RALGAPA2: variants seen among roughly 807,000 people sequenced by gnomAD.
RALGAPA2 encodes the protein ral GTPase-activating protein subunit alpha-2.
Under a neutral mutation model 230.4 loss-of-function variants are expected in RALGAPA2, and 139 were observed. The observed-to-expected ratio is 0.60, with a 90% CI of 0.53 to 0.69. The LOEUF is 0.69. Ranked by LOEUF, RALGAPA2 falls within the 30% of genes least tolerant of loss-of-function variation. The pLI, the probability that RALGAPA2 is intolerant of heterozygous loss-of-function variation, is 0.00. For synonymous variants in RALGAPA2, 847 were observed against 837.8 expected (o/e 1.01, Z -0.19); for missense variants, 2,163 against 2,276.0 (o/e 0.95, Z 1.01).
intron 14 of RALGAPA2, among the ~76,000 whole-genome samples, chr20:20,606,723 A>C (rs1440545385): frequency 6.6e-6 from 1 of 152,096 alleles, no homozygotes; most frequent in African/African-American, 2.4e-5. Context: ...TTTCCTTCAC[A>C]GTCTATTCAC....
chr20:20,475,985 T>C (rs1424741207), intron 36 of RALGAPA2, among the ~76,000 whole-genome samples: 1 of 152,176 alleles, frequency 6.6e-6, no homozygotes, highest in African/African-American at 2.4e-5. Flanking sequence ...AAATGTTGTT[T>C]ATAACTGCAT....
intron 27 of RALGAPA2, among the ~76,000 whole-genome samples, 200 bp downstream of exon 27, chr20:20,531,487 G>C (rs951733731): frequency 6.6e-6 from 1 of 152,226 alleles, no homozygotes; most frequent in African/African-American, 2.4e-5. Context: ...AGGAAGACTC[G>C]AGACACTCGT....
chr20:20,459,416 GT>G (rs964630285), intron 37 of RALGAPA2, among the ~76,000 whole-genome samples: 4 of 147,820 alleles, frequency 2.7e-5, no homozygotes, highest in South Asian at 2.1e-4. Flanking sequence ...TGCTTAAGAG[GT>G]TTTTTTGCTT....
At chr20:20,677,966 C>G (rs575638227) in intron 2 of RALGAPA2, among the ~76,000 whole-genome samples, 13 of 152,004 alleles carry the variant, frequency 8.6e-5, no homozygotes, top group Non-Finnish European at 1.6e-4. Flanking sequence ...AAGGAGGACT[C>G]CAGCTGCTCT....
intron 11 of RALGAPA2, 36 bp from the exon 12 acceptor site, chr20:20,619,450 A>G (rs2066255404): frequency 6.8e-7 from 1 of 1,461,262 alleles, no homozygotes; most frequent in Admixed American, 2.0e-5. Flanking sequence ...AGAGTGGAAG[A>G]TGCACGTGTT....
At chr20:20,565,903 G>A (rs2064404232) in intron 23 of RALGAPA2, among the ~76,000 whole-genome samples, 1 of 152,212 alleles carries the variant, frequency 6.6e-6, no homozygotes, top group Admixed American at 6.5e-5. Context: ...AGAATCCACT[G>A]TTTTGAGATT....
chr20:20,513,008 C>T lies in RALGAPA2; in HGVS notation c.4361G>A (p.Gly1454Asp), dbSNP rs1275495776. 6.2e-7 allele frequency: 1 copy of T among 1,613,598 alleles called. No individual in the cohort carries two copies. Among genetic ancestry groups the T allele is most frequent in the Non-Finnish European group, 8.5e-7 (1 of 1,179,678 alleles). Residue 1454 changes from glycine (G) to aspartate (D), a missense_variant, in exon 32 of 40, where the codon GGC (glycine) becomes GAC (aspartate). Coordinates refer to ENST00000202677, the MANE Select transcript of RALGAPA2 (RefSeq NM_020343.4). ...TEGPVGGSPV[G>D]SLSDVRVIVR... is the part of the protein sequence containing the mutation. ...AATTACTCTCACATCAGAGAGAGAGCCCACTGGTGATCCCCCTACCGGTCC... is the reference window on the plus strand; with the variant it reads ...AATTACTCTCACATCAGAGAGAGAGTCCACTGGTGATCCCCCTACCGGTCC...
chr20:20,416,624 G>A (rs113916440), intron 37 of RALGAPA2, among the ~76,000 whole-genome samples: 8 of 152,176 alleles, frequency 5.3e-5, no homozygotes, highest in Middle Eastern at 3.2e-3. Flanking sequence ...ACCTGAGTGC[G>A]TATGTGTAAG....
chr20:20,450,683 T>C (rs2060967389), intron 37 of RALGAPA2, among the ~76,000 whole-genome samples: 1 of 152,204 alleles, frequency 6.6e-6, no homozygotes, highest in Admixed American at 6.5e-5. Context: ...ACAGTCCCAT[T>C]CTGCAGGGTT....
intron 23 of RALGAPA2, among the ~76,000 whole-genome samples, chr20:20,567,780 C>T (rs1469502755): frequency 6.6e-6 from 1 of 150,776 alleles, no homozygotes; most frequent in African/African-American, 2.4e-5. Context: ...ACTGCTTGAG[C>T]CCAGTGAGCT....
chr20:20,693,110 G>A (rs927282857), intron 1 of RALGAPA2, among the ~76,000 whole-genome samples: 3 of 152,084 alleles, frequency 2.0e-5, no homozygotes, highest in Non-Finnish European at 4.4e-5. Flanking sequence ...ACCAGATGTA[G>A]AACATCAAAT....
rs2063505534 is a variant in RALGAPA2, at chr20:20,536,662, A to G, written c.3408T>C (p.Asp1136=). 18 of 1,612,192 alleles carry G rather than the reference A, an allele frequency of 1.1e-5. No homozygotes were observed. The highest frequency in any genetic ancestry group is 1.5e-5 in the Non-Finnish European group (18 of 1,178,626). The part of the protein sequence containing the change: ...EVNEAITGTE[D]VKHYLINILL... ...AGTCAAATGCGTTATGTACCTTGACATCTTCAGTTCCTGTAATGGCCTCAT... is the reference window on the plus strand; with the variant it reads ...AGTCAAATGCGTTATGTACCTTGACGTCTTCAGTTCCTGTAATGGCCTCAT... The change falls in exon 25 of 40, where the codon GAT becomes GAC. Residue 1136 remains aspartate (D), a synonymous_variant. Transcript: ENST00000202677.
At position 20,390,267 on chromosome 20, in the gene RALGAPA2, C is replaced by T. The variant is rs941539128; in HGVS notation, c.*3022G>A. On this transcript the variant is annotated 3_prime_UTR_variant, in exon 40 of 40. Transcript: ENST00000202677. ...GGTCTGATCAATCAACCTATGTCAC[C>T]AAGTTTGGGTCACCCCACTTCCCCA... 6.6e-6 allele frequency: 1 copy of T among 152,152 alleles called. No homozygotes were observed. The highest frequency in any genetic ancestry group is 2.4e-5 in the African/African-American group (1 of 41,422). 9.4% of individuals were successfully genotyped at this position (152,152 alleles called of 1,614,324 possible). A position where few individuals can be genotyped will look rare whatever the true frequency, so the allele number is the denominator to read the frequency against.
intron 5 of RALGAPA2, among the ~76,000 whole-genome samples, chr20:20,642,227 G>A (rs970113756): frequency 4.0e-5 from 6 of 150,824 alleles, no homozygotes; most frequent in African/African-American, 7.3e-5. Context: ...GGCAGGGGTC[G>A]GGGGATGGAG....
At chr20:20,457,426 TATAAA>T (rs2061148569) in intron 37 of RALGAPA2, among the ~76,000 whole-genome samples, 1 of 152,236 alleles carries the variant, frequency 6.6e-6, no homozygotes, top group Non-Finnish European at 1.5e-5. Flanking sequence ...GAAATTTGAA[TATAAA>T]GATGAGTTGC....
intron 37 of RALGAPA2, among the ~76,000 whole-genome samples, chr20:20,413,101 G>A (rs2060095144): frequency 6.6e-6 from 1 of 152,216 alleles, no homozygotes; most frequent in Non-Finnish European, 1.5e-5. Flanking sequence ...CAATGCAAAA[G>A]TTAAAAGACA....
rs75902884 is a variant in RALGAPA2, at chr20:20,422,056, A to G, written c.5496-9908T>C. 1.5e-3 allele frequency among the ~76,000 whole-genome samples: 224 copies of G among 152,354 alleles called. 3 individuals carry two copies. The East Asian group carries it at 0.019, about 13-fold the overall frequency. On this transcript the variant is annotated intron_variant, in intron 37 of 39. Coordinates refer to ENST00000202677, the MANE Select transcript of RALGAPA2 (RefSeq NM_020343.4). ...CAAAGCCCATATATCGTGGGACTTCATTAATATAAATGTCCAGAATAAGCA... is the reference window on the plus strand; with the variant it reads ...CAAAGCCCATATATCGTGGGACTTCGTTAATATAAATGTCCAGAATAAGCA...
chr20:20,580,565 C>T (rs2064955043), intron 20 of RALGAPA2, among the ~76,000 whole-genome samples: 1 of 152,174 alleles, frequency 6.6e-6, no homozygotes, highest in Non-Finnish European at 1.5e-5. Flanking sequence ...ATAGAAATGA[C>T]ACTAAAAGCG....
Position 20,697,755 on chromosome 20 carries a change from T to G in RALGAPA2, c.106+14620A>C, listed in dbSNP as rs143016083. ...GCAATGCTAGAGACCACCACACCTG[T>G]ACCTGGCAGAGTTGGCCTGAGAATG... On this transcript the variant is annotated intron_variant, in intron 1 of 39. Coordinates refer to ENST00000202677, the MANE Select transcript of RALGAPA2 (RefSeq NM_020343.4). Among the ~76,000 whole-genome samples the G allele has an allele frequency of 2.6e-4, 39 of 152,256 alleles. No individual in the cohort carries two copies. In the East Asian group the frequency reaches 7.5e-3, roughly 29 times the overall value.
Sources: gnomAD v4.1 joint callset for allele counts (sites outside exome capture counted in the v4.1 genomes callset) on GRCh38, gnomAD v4.1.1 for gene constraint, MANE v1.5 for transcripts, NCBI Gene and HGNC (gene_info 2026-07-23, HGNC 2026-07-21) for gene names.